The following GDAP2 variants were observed in gnomAD, a reference collection of about 807,000 sequenced individuals.
GDAP2 encodes ganglioside induced differentiation associated protein 2.
In GDAP2, 51 loss-of-function variants were observed where a neutral mutation model predicts 67.0. The ratio of observed to expected loss-of-function variants is 0.76; its 90% CI spans 0.61 to 0.96. The LOEUF is 0.96. Ranked by LOEUF, GDAP2 falls within the 40% of genes least tolerant of loss-of-function variation. GDAP2 has a pLI of 0.00. For missense variants in GDAP2, 547 were observed against 588.3 expected (o/e 0.93, Z 0.73); for synonymous variants, 203 against 207.3 (o/e 0.98, Z 0.18).
chr1:117,891,768 A>G (rs1419215088), intron 8 of GDAP2, among the ~76,000 whole-genome samples: 1 of 142,176 alleles, frequency 7.0e-6, no homozygotes, highest in Non-Finnish European at 1.6e-5. Context: ...TTGGTGGTAA[A>G]TGCTTTTCAT....
At chr1:117,871,085 G>A (rs1414856830) in intron 13 of GDAP2, among the ~76,000 whole-genome samples, 1 of 152,172 alleles carries the variant, frequency 6.6e-6, no homozygotes, top group Non-Finnish European at 1.5e-5. Flanking sequence ...CTTACTGTGT[G>A]CCAAATCTTA....
At chr1:117,897,378 C>T (rs1649301206) in intron 7 of GDAP2, among the ~76,000 whole-genome samples, 6 of 152,184 alleles carry the variant, frequency 3.9e-5, no homozygotes, top group Admixed American at 3.9e-4. Flanking sequence ...TTATATAGCA[C>T]TGTTGAAGGA....
At chr1:117,883,456 T>G (rs1381236305) in intron 11 of GDAP2, 32 bp downstream of exon 11, 1 of 1,527,406 alleles carries the variant, frequency 6.5e-7, no homozygotes, top group Non-Finnish European at 9.1e-7. Flanking sequence ...AAAGAAACTA[T>G]TTCCCCTTCA....
chr1:117,874,219 C>T (rs750797921), intron 13 of GDAP2, among the ~76,000 whole-genome samples: 10 of 152,150 alleles, frequency 6.6e-5, no homozygotes, highest in Non-Finnish European at 1.3e-4. Flanking sequence ...GAAGTAGGGC[C>T]TAGTCGGAGG....
intron 5 of GDAP2, 132 bp from the exon 6 acceptor site, chr1:117,906,714 C>T (rs1416675764): frequency 3.4e-6 from 2 of 581,514 alleles, no homozygotes; most frequent in Non-Finnish European, 3.0e-6. Context: ...CTTAGTAATA[C>T]CCTATCAGTG....
intron 8 of GDAP2, 125 bp downstream of exon 8, chr1:117,896,708 A>T: frequency 1.6e-6 from 1 of 625,288 alleles, no homozygotes; most frequent in Non-Finnish European, 2.6e-6. Flanking sequence ...TATCTTCCTC[A>T]CTGATTGTCA....
At chr1:117,890,498 A>C (rs1161482062) in intron 8 of GDAP2, among the ~76,000 whole-genome samples, 1 of 152,104 alleles carries the variant, frequency 6.6e-6, no homozygotes, top group Non-Finnish European at 1.5e-5. Flanking sequence ...AATGGAATAC[A>C]TCATCTTTAA....
Position 117,870,607 on chromosome 1 carries a change from G to T in GDAP2, c.1456C>A (p.Pro486Thr). ...GATGGGGGATATGATGTATAGTAAG[G>T]CCCGTTTTCCTGTGGAAAGAAAAAA... Reference protein sequence around the residue: ...VLEYDARENGPYYTSYPPSPD... With the variant: ...VLEYDARENGTYYTSYPPSPD... The change falls in exon 14 of 14, where the codon CCT (proline) becomes ACT (threonine). Residue 486 changes from proline (P) to threonine (T), a missense_variant. Coordinates refer to ENST00000369443, the MANE Select transcript of GDAP2 (RefSeq NM_017686.4). 6.3e-7 allele frequency: 1 copy of T among 1,599,354 alleles called. No individual in the cohort carries two copies.
chr1:117,872,706 C>T (rs889337548), intron 13 of GDAP2, among the ~76,000 whole-genome samples: 15 of 151,694 alleles, frequency 9.9e-5, no homozygotes, highest in Non-Finnish European at 1.5e-5. Context: ...GGGGGGAGAG[C>T]ATTAGGGGAA....
chr1:117,885,770 C>G (rs895405829), intron 10 of GDAP2, among the ~76,000 whole-genome samples: 2 of 151,620 alleles, frequency 1.3e-5, no homozygotes, highest in Non-Finnish European at 2.9e-5. Context: ...TTTTTTTTTA[C>G]TATGGTTAAT....
chr1:117,913,593 T>C (rs1438784500), intron 3 of GDAP2: 1 of 152,164 alleles, frequency 6.6e-6, no homozygotes, highest in East Asian at 1.9e-4. Flanking sequence ...CATCTAGGCT[T>C]ACACTCCTGG....
chr1:117,864,347 T>C lies in GDAP2; in HGVS notation c.*6222A>G, dbSNP rs1246946684. On this transcript the variant is annotated 3_prime_UTR_variant, in exon 14 of 14. Transcript: ENST00000369443. ...GCTGTTTTAATAGGGGAATGATGGATTCAGGCTAGATGAGGACCAAATAAC... is the reference window on the plus strand; with the variant it reads ...GCTGTTTTAATAGGGGAATGATGGACTCAGGCTAGATGAGGACCAAATAAC... The C allele has an allele frequency of 6.6e-6, 1 of 152,156 alleles. No homozygotes were observed. The highest frequency in any genetic ancestry group is 2.4e-5 in the African/African-American group (1 of 41,420). 9.4% of individuals were successfully genotyped at this position (152,156 alleles called of 1,614,324 possible). A position where few individuals can be genotyped will look rare whatever the true frequency, so the allele number is the denominator to read the frequency against.
intron 12 of GDAP2, among the ~76,000 whole-genome samples, chr1:117,879,950 G>T (rs114112361): frequency 0.013 from 2,021 of 152,214 alleles, 36 homozygotes; most frequent in South Asian, 0.091. Flanking sequence ...GGCCAAAATG[G>T]GAGGATTACT....
intron 1 of GDAP2, among the ~76,000 whole-genome samples, chr1:117,924,465 T>G (rs1437718371): frequency 6.6e-6 from 1 of 152,226 alleles, no homozygotes. Flanking sequence ...CATGATCTCA[T>G]GAAGTTTTTT....
At chr1:117,926,183 T>C (rs1394948081) in intron 1 of GDAP2, among the ~76,000 whole-genome samples, 1 of 152,254 alleles carries the variant, frequency 6.6e-6, no homozygotes, top group Non-Finnish European at 1.5e-5. Context: ...CCCAACCTAC[T>C]GCAGTTTTGC....
chr1:117,886,765 G>A lies in GDAP2; in HGVS notation c.1031-112C>T, dbSNP rs1335823992. The A allele has an allele frequency of 6.0e-6, 4 of 667,424 alleles. No individual in the cohort carries two copies. The East Asian group carries it at 1.1e-4, about 18-fold the overall frequency. 41.3% of individuals were successfully genotyped at this position (667,424 alleles called of 1,614,324 possible). On this transcript the variant is annotated intron_variant, in intron 9 of 13. Transcript: ENST00000369443. ...TGTGAATTTAAAAGATTGAAAACAAGGAAGTATAAGTTGCTCAAATTTCAT... is the reference window on the plus strand; with the variant it reads ...TGTGAATTTAAAAGATTGAAAACAAAGAAGTATAAGTTGCTCAAATTTCAT...
At position 117,878,114 on chromosome 1, in the gene GDAP2, T is replaced by C; in HGVS notation, c.1341A>G (p.Gly447=). 1 of 1,606,482 alleles carries C rather than the reference T, an allele frequency of 6.2e-7. No homozygotes were observed. Among genetic ancestry groups the C allele is most frequent in the South Asian group, 1.1e-5 (1 of 89,628 alleles). Reference sequence around the variant, plus strand: ...CCACATGGTGGATTTTGTCCTTCAGTCCTGAGACAGAAAAGGTGGTAAAAA... The same window carrying C: ...CCACATGGTGGATTTTGTCCTTCAGCCCTGAGACAGAAAAGGTGGTAAAAA... ...TWFFTTFSVS[G]LKDKIHHVDS... Residue 447 remains glycine (G), a synonymous_variant, in exon 13 of 14, where the codon GGA becomes GGG. Transcript: ENST00000369443.
chr1:117,879,378 G>T (rs60704895), intron 12 of GDAP2, among the ~76,000 whole-genome samples: 3,685 of 152,078 alleles, frequency 0.024, 148 homozygotes, highest in African/African-American at 0.083. Flanking sequence ...GAGGAGTTCT[G>T]TTTAAAAATG....
chr1:117,906,714 C>G (rs1416675764), intron 5 of GDAP2, 132 bp from the exon 6 acceptor site: 1 of 581,514 alleles, frequency 1.7e-6, no homozygotes, highest in Non-Finnish European at 3.0e-6. Context: ...CTTAGTAATA[C>G]CCTATCAGTG....
Sources: allele counts gnomAD v4.1 joint callset (sites outside exome capture counted in the v4.1 genomes callset), GRCh38; gene constraint gnomAD v4.1.1; transcripts MANE v1.5; gene names NCBI Gene and HGNC (gene_info 2026-07-23, HGNC 2026-07-21).